Variants in CCSER2 observed in about 807,000 individuals in gnomAD.
CCSER2 encodes coiled-coil serine rich protein 2, also known as serine-rich coiled-coil domain-containing protein 2.
In CCSER2, 46 loss-of-function variants were observed where a neutral mutation model predicts 92.3. That is an observed-to-expected ratio of 0.50 (90% CI 0.39 to 0.64). The LOEUF is 0.64. Among genes scored for constraint, CCSER2 ranks in the 30% least tolerant of loss-of-function variants. The pLI is 0.00. For missense variants in CCSER2, 1,244 were observed against 1,238.9 expected (o/e 1.00, Z -0.06); for synonymous variants, 433 against 431.4 (o/e 1.00, Z -0.04).
At chr10:84,483,795 T>C (rs1847599567) in intron 9 of CCSER2, among the ~76,000 whole-genome samples, 2 of 147,946 alleles carry the variant, frequency 1.4e-5, no homozygotes, top group East Asian at 1.9e-4. Flanking sequence ...CTTTTCTTTT[T>C]TTTTTTTTTG....
At chr10:84,337,293 C>A (rs1204713697) in intron 1 of CCSER2, among the ~76,000 whole-genome samples, 1 of 152,000 alleles carries the variant, frequency 6.6e-6, no homozygotes, top group Admixed American at 6.6e-5. Flanking sequence ...CAGAGGAGAC[C>A]AAGAAGCCGC....
chr10:84,476,185 T>G (rs1003975344), intron 8 of CCSER2, among the ~76,000 whole-genome samples: 2 of 152,158 alleles, frequency 1.3e-5, no homozygotes, highest in Non-Finnish European at 2.9e-5. Context: ...GAATGGGAAA[T>G]ATGTCTCTAT....
chr10:84,456,964 T>C (rs1589715737), intron 6 of CCSER2, among the ~76,000 whole-genome samples: 2 of 151,602 alleles, frequency 1.3e-5, no homozygotes, highest in Non-Finnish European at 2.9e-5. Context: ...ATTTTAGATA[T>C]AGCTCCTTTA....
In CCSER2 at chr10:84,341,343, CT is replaced by C. The variant is rs35558044; in HGVS notation, c.-40+12559del. Reference sequence around the variant, plus strand: ...GCCACTGCACCTGGCCTTTGTAACTCTTTTTTTTTTTTTTTTTTTTTTTTAG... The same window carrying C: ...GCCACTGCACCTGGCCTTTGTAACTCTTTTTTTTTTTTTTTTTTTTTTTAG... On this transcript the variant is annotated intron_variant, in intron 1 of 9. Transcript: ENST00000372088. Among the ~76,000 whole-genome samples the C allele has an allele frequency of 7.2e-3, 679 of 94,310 alleles. 3 individuals are homozygous for C. Among genetic ancestry groups the C allele is most frequent in the South Asian group, 0.019 (56 of 3,020 alleles). 61.9% of individuals were successfully genotyped at this position (94,310 alleles called of 152,430 possible). A position where few individuals can be genotyped will look rare whatever the true frequency, so the allele number is the denominator to read the frequency against.
At chr10:84,498,603 C>A (rs1209475) in intron 9 of CCSER2, among the ~76,000 whole-genome samples, 22 of 152,082 alleles carry the variant, frequency 1.4e-4, no homozygotes, top group East Asian at 1.9e-4. Context: ...ATTTCAGACC[C>A]TTCATAAGAT....
intron 3 of CCSER2, among the ~76,000 whole-genome samples, chr10:84,383,184 T>A (rs1841006614): frequency 1.3e-5 from 2 of 152,188 alleles, no homozygotes. Context: ...CCTTACTTGG[T>A]TTTGAGTTTT....
At chr10:84,338,755 T>A (rs977585556) in intron 1 of CCSER2, among the ~76,000 whole-genome samples, 1 of 152,250 alleles carries the variant, frequency 6.6e-6, no homozygotes, top group African/African-American at 2.4e-5. Flanking sequence ...CCCCTTTTTT[T>A]CCTAATGTAC....
chr10:84,371,761 T>C lies in CCSER2; in HGVS notation c.709T>C (p.Ser237Pro), dbSNP rs1242027684. 1.2e-6 allele frequency: 2 copies of C among 1,613,526 alleles called. No homozygotes were observed. Among genetic ancestry groups the C allele is most frequent in the East Asian group, 2.2e-5 (1 of 44,884 alleles). ...TCAGAATTCATTCCTTCCACCTTCA[T>C]CTATAACCAGATCACATTCCTTTAA... ...SIQNSFLPPSSITRSHSFNRA... is the reference protein window; with the variant it reads ...SIQNSFLPPSPITRSHSFNRA... The change falls in exon 2 of 10, where the codon TCT becomes CCT. Residue 237 changes from serine to proline, a missense_variant. Physicochemically the swap from Ser to Pro is moderately conservative, Grantham distance 74 (BLOSUM62 -1). Transcript: ENST00000372088.
intron 9 of CCSER2, among the ~76,000 whole-genome samples, chr10:84,495,303 C>G (rs900707866): frequency 1.3e-5 from 2 of 151,574 alleles, no homozygotes; most frequent in East Asian, 3.9e-4. Flanking sequence ...CTAATTTGAT[C>G]CCATTGTGGT....
chr10:84,407,182 C>A (rs764441803), intron 3 of CCSER2, among the ~76,000 whole-genome samples: 2 of 152,158 alleles, frequency 1.3e-5, no homozygotes, highest in South Asian at 4.1e-4. Context: ...TTTGTCTTCT[C>A]AAAGATGCAG....
chr10:84,421,996 C>A (rs1002011946), intron 4 of CCSER2, among the ~76,000 whole-genome samples: 1 of 152,116 alleles, frequency 6.6e-6, no homozygotes, highest in Non-Finnish European at 1.5e-5. Context: ...GGTGCAGAAC[C>A]CCTCTGGAAT....
At chr10:84,372,544 C>G in intron 2 of CCSER2, 75 bp downstream of exon 2, 1 of 884,872 alleles carries the variant, frequency 1.1e-6, no homozygotes, top group South Asian at 1.9e-5. Flanking sequence ...GGATTATCTT[C>G]AGATAGATTT....
chr10:84,363,092 C>T (rs887912354), intron 1 of CCSER2, among the ~76,000 whole-genome samples: 20 of 150,996 alleles, frequency 1.3e-4, no homozygotes, highest in Admixed American at 8.6e-4. Flanking sequence ...GGTGATCCAC[C>T]CGCCTTGGCC....
intron 9 of CCSER2, among the ~76,000 whole-genome samples, chr10:84,481,338 A>G (rs1283959766): frequency 1.3e-5 from 2 of 151,992 alleles, no homozygotes; most frequent in South Asian, 2.1e-4. Context: ...TTTTCTGCAT[A>G]TATTCAACCT....
chr10:84,352,096 C>T (rs901316300), intron 1 of CCSER2, among the ~76,000 whole-genome samples: 4 of 151,882 alleles, frequency 2.6e-5, no homozygotes, highest in Non-Finnish European at 4.4e-5. Flanking sequence ...GTCAGGAGAT[C>T]GAGACCATCC....
At chr10:84,432,183 C>T (rs1258390596) in intron 5 of CCSER2, among the ~76,000 whole-genome samples, 1 of 152,272 alleles carries the variant, frequency 6.6e-6, no homozygotes, top group East Asian at 1.9e-4. Flanking sequence ...TGCTTATTTG[C>T]CATCTGTATA....
At chr10:84,407,791 A>G (rs916279562) in intron 3 of CCSER2, among the ~76,000 whole-genome samples, 2 of 152,204 alleles carry the variant, frequency 1.3e-5, no homozygotes, top group South Asian at 2.1e-4. Context: ...TGTTATTTGT[A>G]AATTATTGAG....
intron 1 of CCSER2, among the ~76,000 whole-genome samples, chr10:84,339,586 C>T (rs1732558268): frequency 6.6e-6 from 1 of 151,778 alleles, no homozygotes; most frequent in Non-Finnish European, 1.5e-5. Context: ...AGTGATTATC[C>T]TGCCTCAGCC....
intron 1 of CCSER2, among the ~76,000 whole-genome samples, chr10:84,356,746 T>C (rs1473272610): frequency 6.6e-6 from 1 of 152,188 alleles, no homozygotes; most frequent in East Asian, 1.9e-4. Context: ...CATTAGTACC[T>C]GTTTTACTTA....
Sources: gnomAD v4.1 joint callset for allele counts (sites outside exome capture counted in the v4.1 genomes callset) on GRCh38, gnomAD v4.1.1 for gene constraint, MANE v1.5 for transcripts, NCBI Gene and HGNC (gene_info 2026-07-23, HGNC 2026-07-21) for gene names.